MAN2C1: variants seen among roughly 807,000 people sequenced by gnomAD.
MAN2C1 encodes the protein alpha-mannosidase 2C1.
A neutral mutation model predicts 126.9 loss-of-function variants in MAN2C1; 111 were observed. That is an observed-to-expected ratio of 0.87 (90% CI 0.75 to 1.02). The LOEUF is 1.02. MAN2C1 is among the 50% of genes least tolerant of loss of function. The pLI, the probability that MAN2C1 is intolerant of heterozygous loss-of-function variation, is 0.00. For missense variants in MAN2C1, 1,363 were observed against 1,364.4 expected (o/e 1.00, Z 0.02); for synonymous variants, 567 against 561.5 (o/e 1.01, Z -0.14).
At chr15:75,367,853 AG>A in intron 2 of MAN2C1, 1 of 858,376 alleles carries the variant, frequency 1.2e-6, no homozygotes, top group Non-Finnish European at 1.7e-6. Flanking sequence ...GCCCTTCCTA[AG>A]GGATGTCCAG....
At chr15:75,358,428 T>C in intron 20 of MAN2C1, 34 bp downstream of exon 20, 1 of 1,612,918 alleles carries the variant, frequency 6.2e-7, no homozygotes. Context: ...CAAGCACACT[T>C]GGGGAAAACA....
intron 13 of MAN2C1, 34 bp downstream of exon 13, chr15:75,360,531 C>A (rs764720771): frequency 1.9e-6 from 3 of 1,609,202 alleles, no homozygotes; most frequent in East Asian, 2.2e-5. Flanking sequence ...CAAGGGCACA[C>A]CCTCCCTGCA....
chr15:75,368,535 C>T lies in MAN2C1; in HGVS notation c.49G>A (p.Val17Met), dbSNP rs1454599895. Reference protein sequence around the residue: ...LKHWRTTLERVEKFVSPLYFT... With the variant: ...LKHWRTTLERMEKFVSPLYFT... ...TAGAGCGGCGACACGAACTTCTCCA[C>T]CCGCTCCAGCGTGGTGCGCCAGTGC... The change falls in exon 1 of 26, where the codon GTG becomes ATG. Residue 17 changes from valine (V) to methionine (M), a missense_variant. Transcript: ENST00000267978. 1 of 1,555,084 alleles carries T rather than the reference C, an allele frequency of 6.4e-7. No individual in the cohort carries two copies. The highest frequency in any genetic ancestry group is 1.9e-5 in the Admixed American group (1 of 51,660).
At chr15:75,359,562 G>C in intron 16 of MAN2C1, 58 bp downstream of exon 16, 1 of 1,600,252 alleles carries the variant, frequency 6.2e-7, no homozygotes. Flanking sequence ...TCCCAGGCCT[G>C]ATCTGTCTGG....
intron 13 of MAN2C1, 34 bp from the exon 14 acceptor site, chr15:75,360,245 T>C (rs1039832601): frequency 3.7e-6 from 6 of 1,601,070 alleles, no homozygotes; most frequent in Non-Finnish European, 5.1e-6. Flanking sequence ...GTCTGGAGCC[T>C]GCTTAGCTGT....
chr15:75,360,395 G>A (rs2072442742), intron 13 of MAN2C1, 170 bp downstream of exon 13: 2 of 1,280,568 alleles, frequency 1.6e-6, no homozygotes, highest in African/African-American at 1.5e-5. Flanking sequence ...TCTTTCTTCA[G>A]GGGTTTCTGC....
Position 75,362,872 on chromosome 15 carries a change from T to C in MAN2C1, c.791-124A>G. 1.3e-6 allele frequency: 1 copy of C among 774,530 alleles called. No individual in the cohort carries two copies. Among genetic ancestry groups the C allele is most frequent in the Non-Finnish European group, 2.2e-6 (1 of 463,138 alleles). The allele number at this position is 774,530 out of a possible 1,614,324, so 48.0% of individuals were successfully genotyped here. A position where few individuals can be genotyped will look rare whatever the true frequency, so the allele number is the denominator to read the frequency against. On this transcript the variant is annotated intron_variant, in intron 6 of 25. Coordinates refer to ENST00000267978, the MANE Select transcript of MAN2C1 (RefSeq NM_006715.4). The surrounding 1 kb of genome is among the most constrained non-coding windows in gnomAD (Gnocchi z 4.5). Reference sequence around the variant, plus strand: ...CCCTTCACCCTGGAAAGCCCTGTGGTGTCCCTCCTAAGTGGTCACTTCACT... The same window carrying C: ...CCCTTCACCCTGGAAAGCCCTGTGGCGTCCCTCCTAAGTGGTCACTTCACT...
intron 2 of MAN2C1, 72 bp from the exon 3 acceptor site, chr15:75,367,706 C>T (rs2072605032): frequency 1.9e-6 from 3 of 1,581,534 alleles, no homozygotes; most frequent in Admixed American, 1.7e-5. Context: ...GATAAAGTGT[C>T]GGCAGGGGCT....
chr15:75,358,836 C>A (rs1349996047), intron 18 of MAN2C1, 28 bp from the exon 19 acceptor site: 1 of 1,574,986 alleles, frequency 6.3e-7, no homozygotes, highest in Non-Finnish European at 8.7e-7. Flanking sequence ...TGGTGCTGTA[C>A]AACCAACTGA....
rs764768756 is a variant in MAN2C1, at chr15:75,368,165, G to C, written c.135C>G (p.Leu45=). The change falls in exon 2 of 26, where the codon CTC becomes CTG. Residue 45 remains leucine (L), a synonymous_variant. Coordinates refer to ENST00000267978, the MANE Select transcript of MAN2C1 (RefSeq NM_006715.4). ...GTCTCTCCGGCGTCAGGAAGCTGGA[G>C]AGCACAGCCACAGGGCAGCTGGCCC... ...LFGASCPVAV[L]SSFLTPERLP... 1.4e-5 allele frequency: 23 copies of C among 1,604,546 alleles called. No individual in the cohort carries two copies. Among genetic ancestry groups the C allele is most frequent in the Non-Finnish European group, 4.2e-6 (5 of 1,177,278 alleles).
intron 21 of MAN2C1, chr15:75,357,128 G>A (rs956419379): frequency 1.2e-4 from 66 of 554,424 alleles, no homozygotes; most frequent in African/African-American, 1.2e-3. Context: ...GAATGATCAT[G>A]AGTATCAAAT....
Position 75,362,525 on chromosome 15 carries a change from A to G in MAN2C1, c.898-72T>C, listed in dbSNP as rs1416369829. On this transcript the variant is annotated intron_variant, in intron 7 of 25. Coordinates refer to ENST00000267978, the MANE Select transcript of MAN2C1 (RefSeq NM_006715.4). The surrounding 1 kb of genome is among the most constrained non-coding windows in gnomAD (Gnocchi z 4.5). ...ACCCAGGACTGAGCATATGGGACTC[A>G]GTGTGTGGCTGAGGGTGAGGAGCAG... 23 of 1,524,032 alleles carry G rather than the reference A, an allele frequency of 1.5e-5. No homozygotes were observed. The Admixed American group carries it at 4.3e-4, about 29-fold the overall frequency. The allele number at this position is 1,524,032 out of a possible 1,614,324, so 94.4% of individuals were successfully genotyped here. A position where few individuals can be genotyped will look rare whatever the true frequency, so the allele number is the denominator to read the frequency against.
chr15:75,368,455 G>A (rs1346101519), intron 1 of MAN2C1, 28 bp downstream of exon 1: 2 of 1,538,552 alleles, frequency 1.3e-6, no homozygotes, highest in Non-Finnish European at 8.8e-7. Flanking sequence ...GTTGCGGTCG[G>A]CCGGCTGCGG....
At chr15:75,360,983 G>T (rs2072455339) in intron 12 of MAN2C1, 63 bp downstream of exon 12, 11 of 1,547,508 alleles carry the variant, frequency 7.1e-6, no homozygotes, top group African/African-American at 1.4e-5. Context: ...ATGTCTGAGG[G>T]AAGGCAGGGC....
rs5745934 is a variant in MAN2C1 at position 75,356,182 on chromosome 15, C to T, written c.2924G>A (p.Arg975Lys). The T allele has an allele frequency of 1.4e-5, 22 of 1,613,610 alleles. No individual in the cohort carries two copies. Among genetic ancestry groups the T allele is most frequent in the Non-Finnish European group, 1.8e-5 (21 of 1,179,992 alleles). Residue 975 changes from arginine (R) to lysine (K), a missense_variant, in exon 25 of 26, where the codon AGG (arginine) becomes AAG (lysine). Coordinates refer to ENST00000267978, the MANE Select transcript of MAN2C1 (RefSeq NM_006715.4). This position sits in a 1 kb window ranked among gnomAD's most constrained non-coding sequence, Gnocchi z 5.8. ...GTGGCTGCCGTGGGCCTCATACAGC[C>T]TCAGGACCAGCGAGCGGCGCTGGGG... ...SSPQRRSLVL[R>K]LYEAHGSHVD...
At chr15:75,360,491 C>T in intron 13 of MAN2C1, 74 bp downstream of exon 13, 2 of 1,581,156 alleles carry the variant, frequency 1.3e-6, no homozygotes, top group South Asian at 1.2e-5. Flanking sequence ...GGGCTCTGTC[C>T]CCTGCTGCCT....
chr15:75,358,780 TC>T lies in MAN2C1; in HGVS notation c.2169del (p.Asn724ThrfsTer88). 2 of 1,613,348 alleles carry T rather than the reference TC, an allele frequency of 1.2e-6. No homozygotes were observed. Among genetic ancestry groups the T allele is most frequent in the Non-Finnish European group, 1.7e-6 (2 of 1,179,794 alleles). On this transcript the variant is annotated frameshift_variant, in exon 19 of 26. Coordinates refer to ENST00000267978, the MANE Select transcript of MAN2C1 (RefSeq NM_006715.4). LOFTEE classifies it high-confidence loss of function. ...GREAIAEGAV[G>X]NQFVLFDDVP... ...ACATCATCAAATAGCACAAACTGGTTCCCCACGGCGCCCTCAGCAATGGCCT... is the reference window on the plus strand; with the variant it reads ...ACATCATCAAATAGCACAAACTGGTTCCCACGGCGCCCTCAGCAATGGCCT...
chr15:75,362,794 C>T lies in MAN2C1; in HGVS notation c.791-46G>A, dbSNP rs923585728. 2.6e-6 allele frequency: 4 copies of T among 1,548,594 alleles called. No individual in the cohort carries two copies. In the African/African-American group the frequency reaches 5.4e-5, roughly 21 times the overall value. ...AGGACAGAGGGAGCAGCAAGGCTGACCAGGCCTGGGCTGGGACTCCAGAGG... is the reference window on the plus strand; with the variant it reads ...AGGACAGAGGGAGCAGCAAGGCTGATCAGGCCTGGGCTGGGACTCCAGAGG... On this transcript the variant is annotated intron_variant, in intron 6 of 25. Coordinates refer to ENST00000267978, the MANE Select transcript of MAN2C1 (RefSeq NM_006715.4). This position sits in a 1 kb window ranked among gnomAD's most constrained non-coding sequence, Gnocchi z 4.5.
rs1265607365 is a variant in MAN2C1, at chr15:75,362,957, A to G, written c.791-209T>C. Reference sequence around the variant, plus strand: ...AGGAGGCGGCAGTGCTATGAGGCCAATTATACAGGTCAGGAAATGGAGGCT... The same window carrying G: ...AGGAGGCGGCAGTGCTATGAGGCCAGTTATACAGGTCAGGAAATGGAGGCT... On this transcript the variant is annotated intron_variant, in intron 6 of 25. Transcript: ENST00000267978. This position sits in a 1 kb window ranked among gnomAD's most constrained non-coding sequence, Gnocchi z 4.5. 5.3e-6 allele frequency: 3 copies of G among 567,752 alleles called. No homozygotes were observed. In the Admixed American group the frequency reaches 9.0e-5, roughly 17 times the overall value. 35.2% of individuals were successfully genotyped at this position (567,752 alleles called of 1,614,324 possible). A position where few individuals can be genotyped will look rare whatever the true frequency, so the allele number is the denominator to read the frequency against.
Sources: gnomAD v4.1 joint callset for allele counts on GRCh38, gnomAD v4.1.1 for gene constraint, Gnocchi (gnomAD v3.1) non-coding constraint, MANE v1.5 for transcripts, NCBI Gene and HGNC (gene_info 2026-07-23, HGNC 2026-07-21) for gene names.